The following TREH variants were observed in gnomAD, a reference collection of about 807,000 sequenced individuals.
The protein encoded by TREH is alpha,alpha-trehalose glucohydrolase.
In TREH, 69 loss-of-function variants were observed where a neutral mutation model predicts 80.5. The observed-to-expected ratio is 0.86, with a 90% CI of 0.71 to 1.05. The LOEUF is 1.05. Ranked by LOEUF, TREH falls within the 50% of genes least tolerant of loss-of-function variation. TREH has a pLI of 0.00. For missense variants in TREH, 716 were observed against 718.8 expected, an observed-to-expected ratio of 1.00 and a Z score of 0.04; for synonymous variants, 309 against 293.5, an observed-to-expected ratio of 1.05 and a Z score of -0.54.
chr11:118,658,762 A>G (rs782618027), intron 13 of TREH, 29 bp from the exon 14 acceptor site: 1 of 1,610,108 alleles, frequency 6.2e-7, no homozygotes, highest in Non-Finnish European at 8.5e-7. Flanking sequence ...GCTGTATGTC[A>G]GGTACTGCCC....
chr11:118,673,435 G>A (rs918788584), intron 1 of TREH, among the ~76,000 whole-genome samples: 17 of 152,150 alleles, frequency 1.1e-4, no homozygotes, highest in Non-Finnish European at 1.6e-4. Context: ...AGCCATGTGC[G>A]GTCTTTCTCT....
chr11:118,671,992 A>C (rs1234462850), intron 1 of TREH, among the ~76,000 whole-genome samples: 1 of 152,228 alleles, frequency 6.6e-6, no homozygotes, highest in Non-Finnish European at 1.5e-5. Flanking sequence ...AGGAGAAATA[A>C]AGACTTTCCC....
intron 4 of TREH, 26 bp downstream of exon 4, chr11:118,662,855 C>G: frequency 6.4e-7 from 1 of 1,558,000 alleles, no homozygotes; most frequent in Non-Finnish European, 8.7e-7. Context: ...TTGGTCAGGC[C>G]TTGGGCAGGC....
Position 118,674,588 on chromosome 11 carries a change from G to A in TREH, c.89+4951C>T, listed in dbSNP as rs1417672345. Among the ~76,000 whole-genome samples, 6 of 152,134 alleles carry A rather than the reference G, an allele frequency of 3.9e-5. No individual in the cohort carries two copies. Among genetic ancestry groups the A allele is most frequent in the Non-Finnish European group, 7.3e-5 (5 of 68,028 alleles). On this transcript the variant is annotated intron_variant, in intron 1 of 14. Transcript: ENST00000264029. The surrounding 1 kb of genome is among the most constrained non-coding windows in gnomAD (Gnocchi z 4.4). ...ATGGAGTTTCGCTCTTGTTGCCCAA[G>A]CTGGAGTGCAATGGCGAGATCTCAG...
chr11:118,668,525 G>A (rs1455000798), intron 1 of TREH, among the ~76,000 whole-genome samples: 2 of 108,310 alleles, frequency 1.8e-5, no homozygotes, highest in African/African-American at 7.3e-5. Context: ...TTGTGCTGCC[G>A]TACTCCAGCC....
At chr11:118,673,871 AT>A (rs1565530797) in intron 1 of TREH, among the ~76,000 whole-genome samples, 2 of 152,194 alleles carry the variant, frequency 1.3e-5, no homozygotes, top group African/African-American at 2.4e-5. Flanking sequence ...TAGGCTGTTC[AT>A]TCACCTTGGG....
chr11:118,662,790 GATCTGTGC>G, intron 4 of TREH, 83 bp downstream of exon 4: 1 of 1,437,362 alleles, frequency 7.0e-7, no homozygotes, highest in Non-Finnish European at 9.5e-7. Context: ...AAGGAAACCT[GATCTGTGC>G]TCCGAAGACA....
At chr11:118,663,280 C>T in intron 2 of TREH, 59 bp downstream of exon 2, 1 of 1,562,932 alleles carries the variant, frequency 6.4e-7, no homozygotes, top group Non-Finnish European at 8.7e-7. Context: ...TGGTCTTGCC[C>T]CCTGCCTTCT....
At chr11:118,659,102 G>A (rs1362630919) in intron 12 of TREH, 85 bp from the exon 13 acceptor site, 1 of 1,387,340 alleles carries the variant, frequency 7.2e-7, no homozygotes, top group East Asian at 2.3e-5. Flanking sequence ...CCCCAAGGAG[G>A]GAAAGAGGCC....
Position 118,660,558 on chromosome 11 carries a change from G to T in TREH, c.1083C>A (p.Ser361Arg), listed in dbSNP as rs1949308239. Residue 361 changes from serine to arginine, a missense_variant, in exon 10 of 15, where the codon AGC (serine) becomes AGA (arginine). Ser to Arg is a moderately radical substitution (Grantham distance 110, BLOSUM62 -1). Coordinates refer to ENST00000264029, the MANE Select transcript of TREH (RefSeq NM_007180.3). ...GCTCACCCAGCCTGGAATAGAAGTT[G>T]CTCATCAGCTCCTCTGCTTGGCATA... ...AFLCQAEELM[S>R]NFYSRLGNDS... 7 of 1,606,656 alleles carry T rather than the reference G, an allele frequency of 4.4e-6. No homozygotes were observed. The highest frequency in any genetic ancestry group is 6.0e-6 in the Non-Finnish European group (7 of 1,175,832).
intron 11 of TREH, 116 bp downstream of exon 11, chr11:118,659,631 G>C (rs1315679031): frequency 6.5e-6 from 9 of 1,390,502 alleles, no homozygotes; most frequent in Non-Finnish European, 8.8e-6. Context: ...GGTGGGACCC[G>C]CAGGCTGGGA....
At chr11:118,664,341 G>A (rs1777077846) in intron 1 of TREH, among the ~76,000 whole-genome samples, 1 of 152,242 alleles carries the variant, frequency 6.6e-6, no homozygotes, top group African/African-American at 2.4e-5. Flanking sequence ...ATTGCATGCT[G>A]TTTTCCTTGC....
chr11:118,675,729 G>T (rs1423434170), intron 1 of TREH, among the ~76,000 whole-genome samples: 1 of 151,968 alleles, frequency 6.6e-6, no homozygotes, highest in Non-Finnish European at 1.5e-5. Flanking sequence ...GTTGAGACAG[G>T]GTCTCACTCT....
chr11:118,658,908 C>T lies in TREH; in HGVS notation c.1542G>A (p.Glu514=). The change falls in exon 13 of 15, where the codon GAG becomes GAA. Residue 514 remains glutamate, a synonymous_variant. Coordinates refer to ENST00000264029, the MANE Select transcript of TREH (RefSeq NM_007180.3). ...GGGAGGGCTTGGGCCAGCTCACCTT[C>T]TCATACATGGCTGACTTCTGCGAGT... ...DVYSQKSAMY[E]KYDVSNGGQP... The T allele has an allele frequency of 6.2e-7, 1 of 1,613,952 alleles. No individual in the cohort carries two copies. Among genetic ancestry groups the T allele is most frequent in the Non-Finnish European group, 8.5e-7 (1 of 1,179,848 alleles).
At position 118,657,552 on chromosome 11, in the gene TREH, T is replaced by C; in HGVS notation, c.*737A>G. ...TTTTTCCTTCCCCCTGCCTGTGTCT[T>C]CAGCCCTGATGCACAGGCTGCCAGC... On this transcript the variant is annotated 3_prime_UTR_variant, in exon 15 of 15. Coordinates refer to ENST00000264029, the MANE Select transcript of TREH (RefSeq NM_007180.3). The C allele has an allele frequency of 6.5e-6, 1 of 153,020 alleles. No homozygotes were observed. Among genetic ancestry groups the C allele is most frequent in the Non-Finnish European group, 1.5e-5 (1 of 68,284 alleles). 9.5% of individuals were successfully genotyped at this position (153,020 alleles called of 1,614,324 possible).
intron 1 of TREH, among the ~76,000 whole-genome samples, chr11:118,672,924 G>C (rs1281766270): frequency 6.6e-6 from 1 of 152,020 alleles, no homozygotes; most frequent in Non-Finnish European, 1.5e-5. Flanking sequence ...AGGGAAAAAA[G>C]AAAATGGTAT....
chr11:118,659,612 G>T, intron 11 of TREH, 131 bp from the exon 12 acceptor site: 1 of 1,337,114 alleles, frequency 7.5e-7, no homozygotes, highest in Non-Finnish European at 1.0e-6. Context: ...GCTGCCCCCC[G>T]GTGGCTCTGG....
Position 118,662,865 on chromosome 11 carries a change from C to CACAA in TREH, c.423+15_423+16insTTGT, listed in dbSNP as rs1555145233. ...TTCCCTTGGTCAGGCCTTGGGCAGG[C>CACAA]CCAGGACGCTGATACCTTCTTCCCC... is the stretch of plus-strand genomic sequence containing the variant. On this transcript the variant is annotated intron_variant, in intron 4 of 14. Transcript: ENST00000264029. 3.8e-6 allele frequency: 6 copies of CACAA among 1,563,834 alleles called. No individual in the cohort carries two copies. Among genetic ancestry groups the CACAA allele is most frequent in the Non-Finnish European group, 5.2e-6 (6 of 1,153,766 alleles).
At chr11:118,668,561 C>CAAAAAAAAAA (rs35085066) in intron 1 of TREH, among the ~76,000 whole-genome samples, 1 of 47,868 alleles carries the variant, frequency 2.1e-5, no homozygotes, top group African/African-American at 1.0e-4. Flanking sequence ...GACTCTGTCT[C>CAAAAAAAAAA]AAAAAAAAAA....
Sources: gnomAD v4.1 joint callset for allele counts (sites outside exome capture counted in the v4.1 genomes callset) on GRCh38, gnomAD v4.1.1 for gene constraint, Gnocchi (gnomAD v3.1) non-coding constraint, MANE v1.5 for transcripts, NCBI Gene and HGNC (gene_info 2026-07-23, HGNC 2026-07-21) for gene names.